PAPPA2: variants seen among roughly 807,000 people sequenced by gnomAD.
PAPPA2 encodes pappalysin-2.
PAPPA2 carries 86 observed loss-of-function variants against 176.4 expected under a neutral mutation model. The ratio of observed to expected loss-of-function variants is 0.49; its 90% CI spans 0.41 to 0.58. The LOEUF is 0.58. Ranked by LOEUF, PAPPA2 falls within the 20% of genes least tolerant of loss-of-function variation. The pLI, the probability that PAPPA2 is intolerant of heterozygous loss-of-function variation, is 0.00. For missense variants in PAPPA2, 2,073 were observed against 2,256.9 expected, an observed-to-expected ratio of 0.92 and a Z score of 1.65; for synonymous variants, 809 against 852.2, an observed-to-expected ratio of 0.95 and a Z score of 0.88.
At chr1:176,681,927 C>T (rs1659605185) in intron 4 of PAPPA2, among the ~76,000 whole-genome samples, 1 of 152,158 alleles carries the variant, frequency 6.6e-6, no homozygotes, top group Admixed American at 6.5e-5. Context: ...GAGTAGCTCT[C>T]ACAGGGTTGG....
chr1:176,664,115 A>C (rs1573215332), intron 3 of PAPPA2, among the ~76,000 whole-genome samples: 1 of 152,180 alleles, frequency 6.6e-6, no homozygotes, highest in African/African-American at 2.4e-5. Context: ...TTTATTTTCC[A>C]GTGGTATTAC....
chr1:176,508,613 C>T (rs1183442250), intron 1 of PAPPA2, among the ~76,000 whole-genome samples: 2 of 152,008 alleles, frequency 1.3e-5, no homozygotes, highest in African/African-American at 4.8e-5. Context: ...AATAGAGTCT[C>T]AATGACAATG....
At chr1:176,801,310 T>G (rs1396822856) in intron 21 of PAPPA2, among the ~76,000 whole-genome samples, 1 of 152,132 alleles carries the variant, frequency 6.6e-6, no homozygotes, top group Non-Finnish European at 1.5e-5. Context: ...ATTTCCAGCT[T>G]CTTCCCTGAT....
intron 12 of PAPPA2, among the ~76,000 whole-genome samples, chr1:176,715,097 C>T (rs1661308562): frequency 6.6e-6 from 1 of 152,108 alleles, no homozygotes; most frequent in Admixed American, 6.5e-5. Flanking sequence ...TAATGGATTC[C>T]ACCTAAACCC....
intron 21 of PAPPA2, among the ~76,000 whole-genome samples, chr1:176,827,215 G>A (rs554752531): frequency 1.2e-4 from 18 of 151,990 alleles, no homozygotes; most frequent in Admixed American, 9.8e-4. Flanking sequence ...TCTTCTGAAC[G>A]TTCCCTGTAT....
At chr1:176,606,084 C>T (rs1004886995) in intron 3 of PAPPA2, among the ~76,000 whole-genome samples, 1 of 151,252 alleles carries the variant, frequency 6.6e-6, no homozygotes, top group African/African-American at 2.4e-5. Flanking sequence ...TACACACACA[C>T]ATATATATAT....
intron 1 of PAPPA2, among the ~76,000 whole-genome samples, chr1:176,494,229 C>A (rs1422727223): frequency 4.6e-5 from 7 of 152,028 alleles, no homozygotes; most frequent in Non-Finnish European, 1.0e-4. Context: ...GTTGTTAAGA[C>A]CCAGACTAGA....
intron 14 of PAPPA2, among the ~76,000 whole-genome samples, chr1:176,748,178 A>G (rs1299556853): frequency 6.6e-6 from 1 of 152,236 alleles, no homozygotes; most frequent in Non-Finnish European, 1.5e-5. Flanking sequence ...ACAATAGTTT[A>G]GCCTGAGATA....
At chr1:176,790,073 C>T in intron 18 of PAPPA2, 96 bp downstream of exon 18, 2 of 1,400,868 alleles carry the variant, frequency 1.4e-6, no homozygotes, top group Non-Finnish European at 2.0e-6. Context: ...TAAAGAATTC[C>T]AACAGGCAGG....
chr1:176,615,690 G>C (rs1469047560), intron 3 of PAPPA2, among the ~76,000 whole-genome samples: 3 of 152,192 alleles, frequency 2.0e-5, no homozygotes, highest in Admixed American at 6.5e-5. Context: ...TCACTGTAAG[G>C]CTTGGTTAAA....
intron 21 of PAPPA2, among the ~76,000 whole-genome samples, chr1:176,804,871 C>A (rs1041387117): frequency 6.6e-6 from 1 of 152,080 alleles, no homozygotes. Flanking sequence ...TTTATGATAA[C>A]TGTATAAAAG....
At chr1:176,609,133 A>G (rs2102674599) in intron 3 of PAPPA2, among the ~76,000 whole-genome samples, 1 of 152,314 alleles carries the variant, frequency 6.6e-6, no homozygotes, top group East Asian at 1.9e-4. Flanking sequence ...TGGTTAGGAA[A>G]ATTATTTTTG....
Position 176,594,580 on chromosome 1 carries a change from C to A in PAPPA2, c.976C>A (p.Arg326Ser). 1 of 1,614,206 alleles carries A rather than the reference C, an allele frequency of 6.2e-7. No homozygotes were observed. Among genetic ancestry groups the A allele is most frequent in the East Asian group, 2.2e-5 (1 of 44,878 alleles). The stretch of plus-strand genomic sequence containing the variant: ...TGACAAAGGCTGGGCCCTGGGGATC[C>A]GCTCAGGGAAGGACAAGGGAAAGCG... ...VSDKGWALGI[R>S]SGKDKGKRDA... The change falls in exon 3 of 23, where the codon CGC (arginine) becomes AGC (serine). Residue 326 changes from arginine (R) to serine (S), a missense_variant. This residue lies in a region of PAPPA2 where 1,196 missense variants were observed against 1,330.4 expected (regional missense o/e 0.90). Transcript: ENST00000367662.
chr1:176,468,766 C>T (rs1438283090), intron 1 of PAPPA2, among the ~76,000 whole-genome samples: 3 of 152,142 alleles, frequency 2.0e-5, no homozygotes, highest in Non-Finnish European at 4.4e-5. Flanking sequence ...TCCTGGTGTG[C>T]CCTTTCTCAA....
At chr1:176,778,304 A>G (rs1664553629) in intron 17 of PAPPA2, among the ~76,000 whole-genome samples, 1 of 152,184 alleles carries the variant, frequency 6.6e-6, no homozygotes, top group Non-Finnish European at 1.5e-5. Flanking sequence ...AAATAGGGGA[A>G]AGAGGGGGAA....
intron 3 of PAPPA2, among the ~76,000 whole-genome samples, chr1:176,597,016 G>T (rs936788229): frequency 2.0e-5 from 3 of 152,316 alleles, no homozygotes; most frequent in Non-Finnish European, 4.4e-5. Flanking sequence ...GGCTACTTTT[G>T]TATTGGACAC....
At chr1:176,503,386 A>G (rs1648073673) in intron 1 of PAPPA2, among the ~76,000 whole-genome samples, 1 of 152,108 alleles carries the variant, frequency 6.6e-6, no homozygotes, top group African/African-American at 2.4e-5. Flanking sequence ...TCTTAATCCC[A>G]TTTACAATCT....
chr1:176,660,077 T>TTCC (rs763309534), intron 3 of PAPPA2, among the ~76,000 whole-genome samples: 12 of 152,152 alleles, frequency 7.9e-5, no homozygotes, highest in African/African-American at 1.2e-4. Context: ...TTGCCAGATT[T>TTCC]TCCTCCTTTT....
At chr1:176,654,826 A>G (rs10798468) in intron 3 of PAPPA2, among the ~76,000 whole-genome samples, 37,950 of 151,452 alleles carry the variant, frequency 0.25, 4,881 homozygotes, top group South Asian at 0.33. Flanking sequence ...TTTTATTTTC[A>G]TAGCTATTGT....
Sources: allele counts gnomAD v4.1 joint callset (sites outside exome capture counted in the v4.1 genomes callset), GRCh38; gene constraint gnomAD v4.1.1; regional missense constraint gnomAD v4.1.1; transcripts MANE v1.5; gene names NCBI Gene and HGNC (gene_info 2026-07-23, HGNC 2026-07-21).